The following MTIF3 variants were observed in gnomAD, a reference collection of about 807,000 sequenced individuals.
MTIF3 encodes the protein mitochondrial translational initiation factor 3.
MTIF3 carries 13 observed loss-of-function variants against 20.7 expected under a neutral mutation model. The ratio of observed to expected loss-of-function variants is 0.63; its 90% CI spans 0.41 to 1.00. The LOEUF is 1.00. MTIF3 is among the 50% of genes least tolerant of loss of function. The pLI, the probability that MTIF3 is intolerant of heterozygous loss-of-function variation, is 0.00. For synonymous variants in MTIF3, 114 were observed against 112.5 expected (o/e 1.01, Z -0.08); for missense variants, 295 against 324.5 (o/e 0.91, Z 0.70).
chr13:27,440,023 C>T lies in MTIF3; in HGVS notation c.426G>A (p.Arg142=). ...TGLQILQERQ[R]LREMEKANPK... is the part of the protein sequence containing the mutation. ...GGTTCGCCTTCTCCATCTCCCTCAGCCTCTGCCGCTCCTGGAGGATCTGCA... is the reference window on the plus strand; with the variant it reads ...GGTTCGCCTTCTCCATCTCCCTCAGTCTCTGCCGCTCCTGGAGGATCTGCA... The change falls in exon 3 of 5, where the codon AGG becomes AGA. Residue 142 remains arginine, a synonymous_variant. Coordinates refer to ENST00000381120, the MANE Select transcript of MTIF3 (RefSeq NM_152912.5). The T allele has an allele frequency of 6.2e-7, 1 of 1,614,164 alleles. No individual in the cohort carries two copies. The highest frequency in any genetic ancestry group is 8.5e-7 in the Non-Finnish European group (1 of 1,179,998).
intron 2 of MTIF3, among the ~76,000 whole-genome samples, chr13:27,444,100 G>T (rs9507895): frequency 6.6e-6 from 1 of 151,896 alleles, no homozygotes; most frequent in Non-Finnish European, 1.5e-5. Flanking sequence ...TCAGGAGATC[G>T]AGACCATCCT....
intron 4 of MTIF3, 123 bp from the exon 5 acceptor site, chr13:27,436,016 C>A: frequency 1.4e-6 from 1 of 701,172 alleles, no homozygotes; most frequent in African/African-American, 1.8e-5. Flanking sequence ...AAGTGATTAG[C>A]TAATCAGTTC....
chr13:27,443,624 AGCTTTAATACTAACTCAG>A (rs1954074088), intron 2 of MTIF3, among the ~76,000 whole-genome samples: 1 of 152,246 alleles, frequency 6.6e-6, no homozygotes, highest in Admixed American at 6.5e-5. Context: ...ACTGCAATTA[AGCTTTAATACTAACTCAG>A]TACTGGCTAT....
rs66903644 is a variant in MTIF3, at chr13:27,436,745, A to ATTTTTT, written c.618+365_618+370dup. On this transcript the variant is annotated intron_variant, in intron 4 of 4. Coordinates refer to ENST00000381120, the MANE Select transcript of MTIF3 (RefSeq NM_152912.5). ...GTCTTTATATTTCAGATTTTCTACA[A>ATTTTTT]TTTTTTTTTTTTTTTTTTTTTTTTG... Among the ~76,000 whole-genome samples the ATTTTTT allele has an allele frequency of 2.2e-3, 196 of 90,192 alleles. 5 individuals are homozygous for ATTTTTT. The highest frequency in any genetic ancestry group is 0.011 in the Middle Eastern group (1 of 92). 59.2% of individuals were successfully genotyped at this position (90,192 alleles called of 152,430 possible). A position where few individuals can be genotyped will look rare whatever the true frequency, so the allele number is the denominator to read the frequency against.
At chr13:27,447,550 TATG>T (rs1360544074) in intron 1 of MTIF3, among the ~76,000 whole-genome samples, 1 of 152,222 alleles carries the variant, frequency 6.6e-6, no homozygotes, top group African/African-American at 2.4e-5. Flanking sequence ...AACTTTATAG[TATG>T]ATATCCATTT....
chr13:27,446,199 G>T (rs181474980), intron 1 of MTIF3, among the ~76,000 whole-genome samples: 1 of 152,208 alleles, frequency 6.6e-6, no homozygotes, highest in African/African-American at 2.4e-5. Flanking sequence ...CGGGATTACA[G>T]GTGTGCACCA....
At position 27,440,428 on chromosome 13, in the gene MTIF3, C is replaced by T. The variant is rs756794812; in HGVS notation, c.21G>A (p.Lys7=). MAALFL[K]RLTLQTVKSE... ...ACTTTACAGTTTGTAGTGTTAACCTCTTTAGAAAAAGAGCAGCCATCCTAA... is the reference window on the plus strand; with the variant it reads ...ACTTTACAGTTTGTAGTGTTAACCTTTTTAGAAAAAGAGCAGCCATCCTAA... The change falls in exon 3 of 5, where the codon AAG becomes AAA. Residue 7 remains lysine, a synonymous_variant. Coordinates refer to ENST00000381120, the MANE Select transcript of MTIF3 (RefSeq NM_152912.5). 3.3e-5 allele frequency: 53 copies of T among 1,604,760 alleles called. No individual in the cohort carries two copies. Among genetic ancestry groups the T allele is most frequent in the South Asian group, 1.1e-5 (1 of 90,054 alleles).
chr13:27,436,518 CA>C (rs1171181245), intron 4 of MTIF3, among the ~76,000 whole-genome samples: 3 of 151,794 alleles, frequency 2.0e-5, no homozygotes, highest in Admixed American at 1.3e-4. Context: ...AAAGAAGAAA[CA>C]AAAAATCTAT....
At chr13:27,437,046 T>C (rs936256663) in intron 4 of MTIF3, 70 bp downstream of exon 4, 27 of 1,531,426 alleles carry the variant, frequency 1.8e-5, no homozygotes, top group East Asian at 6.8e-5. Flanking sequence ...CCACCGCGCC[T>C]GGCCTACAAT....
At chr13:27,449,731 C>A (rs1035274265) in intron 1 of MTIF3, 3 of 152,232 alleles carry the variant, frequency 2.0e-5, no homozygotes, top group African/African-American at 7.2e-5. Flanking sequence ...CTCTACGAAG[C>A]AGGAACAAAA....
At position 27,437,106 on chromosome 13, in the gene MTIF3, C is replaced by G. The variant is rs758611445; in HGVS notation, c.618+10G>C. 6.2e-7 allele frequency: 1 copy of G among 1,612,716 alleles called. No homozygotes were observed. ...AAGCACAAGCAGTGGCTTGTACCTT[C>G]TTTACTTACCATTTCATTTTCTGAC... On this transcript the variant is annotated intron_variant, in intron 4 of 4. Coordinates refer to ENST00000381120, the MANE Select transcript of MTIF3 (RefSeq NM_152912.5).
chr13:27,437,826 G>A (rs1218822), intron 3 of MTIF3, among the ~76,000 whole-genome samples: 83,491 of 151,924 alleles, frequency 0.55, 24,810 homozygotes, highest in South Asian at 0.68. Context: ...GTCTCCCCAG[G>A]TATACTAATG....
At position 27,435,654 on chromosome 13, in the gene MTIF3, G is replaced by A; in HGVS notation, c.*21C>T. On this transcript the variant is annotated 3_prime_UTR_variant, in exon 5 of 5. Coordinates refer to ENST00000381120, the MANE Select transcript of MTIF3 (RefSeq NM_152912.5). ...ACCAAGGAGCGAGCTTTCTCTCAGAGCATGCTTTTCTTTATTAAAATTACT... is the reference window on the plus strand; with the variant it reads ...ACCAAGGAGCGAGCTTTCTCTCAGAACATGCTTTTCTTTATTAAAATTACT... The A allele has an allele frequency of 6.2e-7, 1 of 1,612,460 alleles. No individual in the cohort carries two copies. The highest frequency in any genetic ancestry group is 8.5e-7 in the Non-Finnish European group (1 of 1,178,762).
At position 27,440,024 on chromosome 13, in the gene MTIF3, C is replaced by T; in HGVS notation, c.425G>A (p.Arg142Lys). The T allele has an allele frequency of 6.2e-7, 1 of 1,614,196 alleles. No homozygotes were observed. Among genetic ancestry groups the T allele is most frequent in the Non-Finnish European group, 8.5e-7 (1 of 1,180,012 alleles). Residue 142 changes from arginine (R) to lysine (K), a missense_variant, in exon 3 of 5, where the codon AGG (arginine) becomes AAG (lysine). Transcript: ENST00000381120. The part of the protein sequence containing the change: ...TGLQILQERQ[R>K]LREMEKANPK... Reference sequence around the variant, plus strand: ...GTTCGCCTTCTCCATCTCCCTCAGCCTCTGCCGCTCCTGGAGGATCTGCAA... The same window carrying T: ...GTTCGCCTTCTCCATCTCCCTCAGCTTCTGCCGCTCCTGGAGGATCTGCAA...
chr13:27,439,324 CCT>C (rs984344586), intron 3 of MTIF3, among the ~76,000 whole-genome samples: 1 of 152,060 alleles, frequency 6.6e-6, no homozygotes, highest in Admixed American at 6.5e-5. Flanking sequence ...GGTGAAACCC[CCT>C]CTCTATTAAA....
intron 1 of MTIF3, chr13:27,450,245 T>C (rs1047965284): frequency 1.3e-5 from 2 of 152,338 alleles, no homozygotes; most frequent in Non-Finnish European, 2.9e-5. Context: ...GGGACGGAAC[T>C]AGAAAAGCTC....
rs1953811628 is a variant in MTIF3, at chr13:27,437,224, ATGT to A, written c.507_509del (p.Gln169del). 3 of 1,613,930 alleles carry A rather than the reference ATGT, an allele frequency of 1.9e-6. No homozygotes were observed. The highest frequency in any genetic ancestry group is 1.7e-5 in the Admixed American group (1 of 60,018). On this transcript the variant is annotated inframe_deletion, in exon 4 of 5. Transcript: ENST00000381120. ...TCTGTTTAGTCTTTGTGTCCAAATC[ATGT>A]TGTCCAATATTTGAAGACAAAATCA...
chr13:27,449,712 G>A (rs183624219), intron 1 of MTIF3: 2 of 152,198 alleles, frequency 1.3e-5, no homozygotes, highest in Non-Finnish European at 1.5e-5. Context: ...TCCATCACTA[G>A]ACCGTAAACT....
intron 2 of MTIF3, among the ~76,000 whole-genome samples, chr13:27,443,632 T>G (rs1954074217): frequency 6.6e-6 from 1 of 152,224 alleles, no homozygotes; most frequent in African/African-American, 2.4e-5. Context: ...TAAGCTTTAA[T>G]ACTAACTCAG....
Sources: gnomAD v4.1 joint callset for allele counts (sites outside exome capture counted in the v4.1 genomes callset) on GRCh38, gnomAD v4.1.1 for gene constraint, MANE v1.5 for transcripts, NCBI Gene and HGNC (gene_info 2026-07-23, HGNC 2026-07-21) for gene names.